GTF2A1: variants seen among roughly 807,000 people sequenced by gnomAD.
GTF2A1 encodes general transcription factor IIA subunit 1.
Under a neutral mutation model 54.1 loss-of-function variants are expected in GTF2A1, and 12 were observed. That is an observed-to-expected ratio of 0.22 (90% confidence interval 0.14 to 0.36). GTF2A1 has a LOEUF of 0.36. Among genes scored for constraint, GTF2A1 ranks in the 10% least tolerant of loss-of-function variants. The pLI, the probability that GTF2A1 is intolerant of heterozygous loss-of-function variation, is 1.00. For missense variants in GTF2A1, 335 were observed against 442.2 expected, an observed-to-expected ratio of 0.76 and a Z score of 2.17; for synonymous variants, 145 against 152.0, an observed-to-expected ratio of 0.95 and a Z score of 0.34.
intron 5 of GTF2A1, chr14:81,197,175 G>C (rs1161645546): frequency 3.0e-6 from 1 of 338,610 alleles, no homozygotes; most frequent in East Asian, 4.8e-5. Flanking sequence ...CAATAATAGG[G>C]TTATCATGCA....
intron 2 of GTF2A1, among the ~76,000 whole-genome samples, chr14:81,215,024 A>G (rs947421383): frequency 1.3e-5 from 2 of 152,232 alleles, no homozygotes; most frequent in African/African-American, 2.4e-5. Context: ...ATGAAACCAT[A>G]TAACTGTGAA....
chr14:81,214,778 T>G (rs960774279), intron 2 of GTF2A1, among the ~76,000 whole-genome samples: 1 of 20,258 alleles, frequency 4.9e-5, no homozygotes, highest in Non-Finnish European at 1.3e-4. Flanking sequence ...AATGGATCCA[T>G]TATATGTTAA....
At chr14:81,208,001 G>A (rs897794531) in intron 2 of GTF2A1, among the ~76,000 whole-genome samples, 9 of 148,444 alleles carry the variant, frequency 6.1e-5, no homozygotes, top group African/African-American at 2.1e-4. Context: ...CAATGCTGTG[G>A]AAAAGAAAAA....
chr14:81,211,045 G>GT (rs932833515), intron 2 of GTF2A1, among the ~76,000 whole-genome samples: 4 of 152,076 alleles, frequency 2.6e-5, no homozygotes, highest in African/African-American at 9.7e-5. Flanking sequence ...GTACAAACTA[G>GT]TTTTTTCACA....
intron 2 of GTF2A1, chr14:81,204,406 A>C: frequency 2.3e-6 from 1 of 439,024 alleles, no homozygotes; most frequent in Non-Finnish European, 4.2e-6. Flanking sequence ...GTTTCATACA[A>C]GCAACTTCTT....
At chr14:81,216,665 G>T in intron 1 of GTF2A1, 151 bp from the exon 2 acceptor site, 1 of 530,556 alleles carries the variant, frequency 1.9e-6, no homozygotes, top group Non-Finnish European at 3.3e-6. Flanking sequence ...CCATAAACTG[G>T]ATTTGATGAC....
At chr14:81,199,859 G>C (rs995609266) in intron 4 of GTF2A1, among the ~76,000 whole-genome samples, 1 of 151,918 alleles carries the variant, frequency 6.6e-6, no homozygotes, top group East Asian at 1.9e-4. Context: ...AAGAGACTCT[G>C]CCAAAATTTG....
intron 5 of GTF2A1, 110 bp from the exon 6 acceptor site, chr14:81,196,351 AAACT>A: frequency 1.8e-6 from 2 of 1,122,122 alleles, no homozygotes; most frequent in Non-Finnish European, 2.6e-6. Flanking sequence ...ATTATCAAGA[AAACT>A]AACAATTTTA....
In GTF2A1 at chr14:81,179,458, G is replaced by T. The variant is rs142799002; in HGVS notation, c.*765C>A. 66 of 152,246 alleles carry T rather than the reference G, an allele frequency of 4.3e-4. No homozygotes were observed. Among genetic ancestry groups the T allele is most frequent in the African/African-American group, 1.6e-3 (66 of 41,566 alleles). 9.4% of individuals were successfully genotyped at this position (152,246 alleles called of 1,614,324 possible). On this transcript the variant is annotated 3_prime_UTR_variant, in exon 9 of 9. Transcript: ENST00000553612. Reference sequence around the variant, plus strand: ...TTCTTTTTAAGGTGTGGCACTAAAAGAAACAAATTAAGTTTTTCTGTAAGG... The same window carrying T: ...TTCTTTTTAAGGTGTGGCACTAAAATAAACAAATTAAGTTTTTCTGTAAGG...
intron 1 of GTF2A1, among the ~76,000 whole-genome samples, chr14:81,217,763 G>C (rs1893518047): frequency 6.6e-6 from 1 of 152,146 alleles, no homozygotes; most frequent in Non-Finnish European, 1.5e-5. Context: ...CTGCCCTCCA[G>C]CCTGGGTGAC....
chr14:81,202,903 T>C (rs1224117699), intron 3 of GTF2A1: 1 of 417,656 alleles, frequency 2.4e-6, no homozygotes, highest in East Asian at 6.7e-5. Context: ...AAAGTACCAC[T>C]AGATATCAAC....
At chr14:81,221,288 GCCT>G (rs1292856277), upstream of GTF2A1, 2 of 152,298 alleles carry the variant, frequency 1.3e-5, no homozygotes, top group Non-Finnish European at 2.9e-5. Flanking sequence ...AGGTGGGACC[GCCT>G]CCTGTCGCAC....
chr14:81,207,805 A>T, intron 2 of GTF2A1, among the ~76,000 whole-genome samples: 1 of 152,264 alleles, frequency 6.6e-6, no homozygotes, highest in Non-Finnish European at 1.5e-5. Context: ...GTTAGCAAAG[A>T]GACTGGCGGC....
intron 1 of GTF2A1, among the ~76,000 whole-genome samples, chr14:81,216,932 G>T (rs569886832): frequency 6.6e-6 from 1 of 152,326 alleles, no homozygotes; most frequent in African/African-American, 2.4e-5. Context: ...GGAGTCATCT[G>T]CCTGGTAATA....
At chr14:81,189,878 T>C (rs1300421698) in intron 7 of GTF2A1, among the ~76,000 whole-genome samples, 2 of 152,042 alleles carry the variant, frequency 1.3e-5, no homozygotes, top group Non-Finnish European at 1.5e-5. Context: ...CAGATCATAT[T>C]CTCTACAAAC....
chr14:81,212,579 C>T (rs1893396203), intron 2 of GTF2A1, among the ~76,000 whole-genome samples: 1 of 152,212 alleles, frequency 6.6e-6, no homozygotes, highest in Admixed American at 6.5e-5. Flanking sequence ...TAATTCACCA[C>T]TGCCTCCTTT....
Position 81,185,528 on chromosome 14 carries a change from TA to T in GTF2A1, c.1023+2del. On this transcript the variant is annotated splice_donor_variant, in intron 8 of 8. Transcript: ENST00000553612. LOFTEE classifies it high-confidence loss of function. ...GTCAGTAATCTGAAGATGACATCCT[TA>T]CCTTATCATATTGGCATACAACAAC... 6.9e-7 allele frequency: 1 copy of T among 1,450,512 alleles called. No individual in the cohort carries two copies. The highest frequency in any genetic ancestry group is 9.7e-7 in the Non-Finnish European group (1 of 1,030,998). The allele number at this position is 1,450,512 out of a possible 1,614,324, so 89.9% of individuals were successfully genotyped here.
chr14:81,184,487 C>T (rs1161121174), intron 8 of GTF2A1, among the ~76,000 whole-genome samples: 18 of 152,112 alleles, frequency 1.2e-4, no homozygotes, highest in Non-Finnish European at 1.2e-4. Context: ...TCTCAATGAC[C>T]TTACTGTCTT....
chr14:81,196,517 T>C (rs76343081), intron 5 of GTF2A1, among the ~76,000 whole-genome samples: 4,482 of 152,328 alleles, frequency 0.029, 87 homozygotes, highest in East Asian at 0.051. Context: ...ATTATGAGAC[T>C]TGACTAAAGC....
Sources: allele counts gnomAD v4.1 joint callset (sites outside exome capture counted in the v4.1 genomes callset), GRCh38; gene constraint gnomAD v4.1.1; transcripts MANE v1.5; gene names NCBI Gene and HGNC (gene_info 2026-07-23, HGNC 2026-07-21).